OGG1: variants seen among roughly 807,000 people sequenced by gnomAD.
The protein encoded by OGG1 is N-glycosylase/DNA lyase.
OGG1 carries 35 observed loss-of-function variants against 42.3 expected under a neutral mutation model. The ratio of observed to expected loss-of-function variants is 0.83; its 90% CI spans 0.63 to 1.10. OGG1 has a LOEUF of 1.10. OGG1 is among the 50% of genes least tolerant of loss of function. The pLI, the probability that OGG1 is intolerant of heterozygous loss-of-function variation, is 0.00. For synonymous variants in OGG1, 189 were observed against 179.0 expected (o/e 1.06, Z -0.44); for missense variants, 484 against 446.7 (o/e 1.08, Z -0.75).
At position 9,754,835 on chromosome 3, in the gene OGG1, T is replaced by C. The variant is rs2077463446; in HGVS notation, c.697T>C (p.Tyr233His). 1.4e-5 allele frequency: 23 copies of C among 1,610,714 alleles called. No individual in the cohort carries two copies. Among genetic ancestry groups the C allele is most frequent in the Non-Finnish European group, 1.9e-5 (22 of 1,178,502 alleles). ...AWLQQLRESS[Y>H]EEAHKALCIL... ...GCTGCAGCAGCTACGAGAGTCCTCA[T>C]ATGAGGAGGCCCACAAGGCCCTCTG... Residue 233 changes from tyrosine to histidine, a missense_variant, in exon 4 of 7, where the codon TAT becomes CAT. Physicochemically the swap from Tyr to His is moderately conservative, Grantham distance 83. Coordinates refer to ENST00000344629, the MANE Select transcript of OGG1 (RefSeq NM_002542.6).
Position 9,751,895 on chromosome 3 carries a change from A to C in OGG1, c.511A>C (p.Ile171Leu), listed in dbSNP as rs2077319946. The C allele has an allele frequency of 6.2e-7, 1 of 1,614,084 alleles. No homozygotes were observed. The highest frequency in any genetic ancestry group is 1.3e-5 in the African/African-American group (1 of 74,936). The change falls in exon 3 of 7, where the codon ATC (isoleucine) becomes CTC (leucine). Residue 171 changes from isoleucine to leucine, a missense_variant. Coordinates refer to ENST00000344629, the MANE Select transcript of OGG1 (RefSeq NM_002542.6). ...RLCQAFGPRLIQLDDVTYHGF... is the reference protein window; with the variant it reads ...RLCQAFGPRLLQLDDVTYHGF... ...GTGCCAGGCTTTTGGACCTCGGCTC[A>C]TCCAGCTTGATGATGTCACCTACCA...
At position 9,750,414 on chromosome 3, in the gene OGG1, A is replaced by T. The variant is rs761089529; in HGVS notation, c.128A>T (p.Gln43Leu). The change falls in exon 1 of 7, where the codon CAA becomes CTA. Residue 43 changes from glutamine (Q) to leucine (L), a missense_variant. Coordinates refer to ENST00000344629, the MANE Select transcript of OGG1 (RefSeq NM_002542.6). ...LRLDLVLPSG[Q>L]SFRWREQSPA... ...CTGGACCTGGTTCTGCCTTCTGGAC[A>T]ATCTTTCCGGTGAGTGACTGAGCCT... 5 of 1,613,912 alleles carry T rather than the reference A, an allele frequency of 3.1e-6. No homozygotes were observed. The Admixed American group carries it at 6.7e-5, about 22-fold the overall frequency.
At chr3:9,780,138 C>G (rs1431978835) in intron 2 of OGG1, 3 of 455,568 alleles carry the variant, frequency 6.6e-6, no homozygotes, top group Non-Finnish European at 1.2e-5. Context: ...ATCTCGGGGA[C>G]CAAGCAGAGA....
At chr3:9,759,812 G>C (rs747857371), downstream of OGG1, 15 of 1,613,242 alleles carry the variant, frequency 9.3e-6, no homozygotes, top group Admixed American at 2.2e-4. Context: ...TACTCCCCAA[G>C]AGCATACCCA....
downstream of OGG1, chr3:9,789,952 G>C: frequency 6.3e-7 from 1 of 1,596,096 alleles, no homozygotes; most frequent in African/African-American, 1.4e-5. Context: ...TATCCTGCCA[G>C]TCGGTGAGGA....
chr3:9,773,742 T>C (rs1446189646), intron 2 of OGG1, among the ~76,000 whole-genome samples: 1 of 151,994 alleles, frequency 6.6e-6, no homozygotes, highest in African/African-American at 2.4e-5. Context: ...ACCCAGGCTG[T>C]GGTGCAGCGG....
In OGG1 at chr3:9,750,424, G is replaced by A; in HGVS notation, c.137+1G>A. On this transcript the variant is annotated splice_donor_variant, in intron 1 of 6. Transcript: ENST00000344629. LOFTEE classifies it high-confidence loss of function. Reference sequence around the variant, plus strand: ...TTCTGCCTTCTGGACAATCTTTCCGGTGAGTGACTGAGCCTGAGAAGCCTG... The same window carrying A: ...TTCTGCCTTCTGGACAATCTTTCCGATGAGTGACTGAGCCTGAGAAGCCTG... The A allele has an allele frequency of 6.2e-7, 1 of 1,613,860 alleles. No individual in the cohort carries two copies. Among genetic ancestry groups the A allele is most frequent in the Non-Finnish European group, 8.5e-7 (1 of 1,180,024 alleles).
At chr3:9,772,726 T>C (rs964772345) in intron 2 of OGG1, among the ~76,000 whole-genome samples, 3 of 152,116 alleles carry the variant, frequency 2.0e-5, no homozygotes, top group Admixed American at 6.6e-5. Flanking sequence ...GGGTGCTATA[T>C]TGAGCAAGTG....
At chr3:9,765,634 C>T (rs139790559) in intron 7 of OGG1, 18,361 of 1,150,086 alleles carry the variant, frequency 0.016, 654 homozygotes, top group Admixed American at 0.15. Flanking sequence ...TTGTGATCCC[C>T]ATTTTATAAA....
chr3:9,771,520 A>G (rs980693764), downstream of OGG1, among the ~76,000 whole-genome samples: 4 of 152,252 alleles, frequency 2.6e-5, no homozygotes, highest in Non-Finnish European at 5.9e-5. Flanking sequence ...CTAGAACACT[A>G]TTCAAAACAT....
chr3:9,755,401 A>T (rs942759799), intron 4 of OGG1, among the ~76,000 whole-genome samples: 1 of 151,664 alleles, frequency 6.6e-6, no homozygotes, highest in Non-Finnish European at 1.5e-5. Context: ...TGTACTGACA[A>T]AACTTTTTGC....
At chr3:9,756,322 T>C in intron 4 of OGG1, 149 bp from the exon 5 acceptor site, 2 of 751,592 alleles carry the variant, frequency 2.7e-6, no homozygotes, top group South Asian at 1.7e-5. Context: ...AAAAAAAAAG[T>C]GTATTCATAG....
exon 8 of OGG1, chr3:9,766,559 A>T: frequency 9.9e-6 from 7 of 708,456 alleles, no homozygotes; most frequent in Non-Finnish European, 1.4e-5. Context: ...GTTTAACAAA[A>T]TCCTCAGGTG....
rs114844529 is a variant in OGG1, at chr3:9,751,134, G to A, written c.327G>A (p.Leu109=). ...YFQLDVTLAQ[L]YHHWGSVDSH... is the part of the protein sequence containing the mutation. ...AGCTAGATGTTACCCTGGCTCAACTGTATCACCACTGGGGTTCCGTGGACT... is the reference window on the plus strand; with the variant it reads ...AGCTAGATGTTACCCTGGCTCAACTATATCACCACTGGGGTTCCGTGGACT... The change falls in exon 2 of 7, where the codon CTG becomes CTA. Residue 109 remains leucine, a synonymous_variant. Coordinates refer to ENST00000344629, the MANE Select transcript of OGG1 (RefSeq NM_002542.6). 12 of 1,614,196 alleles carry A rather than the reference G, an allele frequency of 7.4e-6. No individual in the cohort carries two copies. Among genetic ancestry groups the A allele is most frequent in the Middle Eastern group, 1.6e-4 (1 of 6,062 alleles).
rs750848581 is a variant in OGG1 at position 9,751,759 on chromosome 3, C to G, written c.386-11C>G. ...GGTACCTCTCCTACCCCCTGCATTT[C>G]TGGTCTCCAGGTGTGCGACTGCTGC... On this transcript the variant is annotated splice_polypyrimidine_tract_variant and intron_variant, in intron 2 of 6. Coordinates refer to ENST00000344629, the MANE Select transcript of OGG1 (RefSeq NM_002542.6). 6.2e-7 allele frequency: 1 copy of G among 1,614,150 alleles called. No homozygotes were observed.
Position 9,756,766 on chromosome 3 carries a change from G to C in OGG1, c.899-1G>C. ...ACTTAGTCTCATCACTTCTGATTTA[G>C]GAAACTTTTTCCGGAGCCTGTGGGG... On this transcript the variant is annotated splice_acceptor_variant, in intron 5 of 6. Transcript: ENST00000344629. LOFTEE classifies it high-confidence loss of function. The C allele has an allele frequency of 6.2e-7, 1 of 1,614,142 alleles. No homozygotes were observed. The highest frequency in any genetic ancestry group is 8.5e-7 in the Non-Finnish European group (1 of 1,180,010).
intron 3 of OGG1, chr3:9,783,899 C>T (rs907353813): frequency 4.3e-6 from 6 of 1,407,650 alleles, no homozygotes; most frequent in East Asian, 2.6e-5. Flanking sequence ...CTGTTTTTTT[C>T]GAGGCTCTCC....
chr3:9,766,101 G>C (rs771380361), exon 8 of OGG1: 1 of 1,438,236 alleles, frequency 7.0e-7, no homozygotes, highest in South Asian at 1.2e-5. Context: ...ACAGTAATTG[G>C]TCATGTGATG....
At chr3:9,784,262 G>A in intron 3 of OGG1, 1 of 1,572,384 alleles carries the variant, frequency 6.4e-7, no homozygotes, top group South Asian at 1.1e-5. Flanking sequence ...CTTGGAGAAG[G>A]GCCCACCTTG....
Sources: allele counts gnomAD v4.1 joint callset (sites outside exome capture counted in the v4.1 genomes callset), GRCh38; gene constraint gnomAD v4.1.1; transcripts MANE v1.5; gene names NCBI Gene and HGNC (gene_info 2026-07-23, HGNC 2026-07-21).